Variants in CNGB3 observed in about 807,000 individuals in gnomAD.
The protein encoded by CNGB3 is cyclic nucleotide gated channel subunit beta 3.
In CNGB3, 86 loss-of-function variants were observed where a neutral mutation model predicts 92.8. That is an observed-to-expected ratio of 0.93 (90% CI 0.78 to 1.11). The LOEUF is 1.11. CNGB3 is among the 50% of genes least tolerant of loss of function. The probability of loss-of-function intolerance (pLI) is 0.00; values close to 1 mark genes in which losing one functional copy is unlikely to be tolerated. For missense variants in CNGB3, 1,026 were observed against 956.8 expected, an observed-to-expected ratio of 1.07 and a Z score of -0.95; for synonymous variants, 333 against 332.7, an observed-to-expected ratio of 1.00 and a Z score of -0.01.
chr8:86,658,093 GC>G (rs1823551534), intron 6 of CNGB3: 1 of 526,084 alleles, frequency 1.9e-6, no homozygotes, highest in African/African-American at 2.0e-5. Flanking sequence ...GGCCGGGTGG[GC>G]CTCCCCACAC....
chr8:86,705,726 T>C (rs766339934), intron 3 of CNGB3, among the ~76,000 whole-genome samples: 1 of 152,180 alleles, frequency 6.6e-6, no homozygotes, highest in Non-Finnish European at 1.5e-5. Context: ...GGGGTGGAGC[T>C]GCAGGTGGTT....
At chr8:86,699,687 T>G (rs1824516002) in intron 3 of CNGB3, among the ~76,000 whole-genome samples, 1 of 152,158 alleles carries the variant, frequency 6.6e-6, no homozygotes, top group Non-Finnish European at 1.5e-5. Context: ...AAAACTGCAG[T>G]TAGTTTGGAT....
At chr8:86,681,781 A>G (rs1263471969) in intron 3 of CNGB3, among the ~76,000 whole-genome samples, 2 of 152,224 alleles carry the variant, frequency 1.3e-5, no homozygotes, top group Non-Finnish European at 2.9e-5. Flanking sequence ...CATTGACAAC[A>G]CTGAACACTA....
chr8:86,689,766 G>C (rs916853695), intron 3 of CNGB3, among the ~76,000 whole-genome samples: 1 of 150,212 alleles, frequency 6.7e-6, no homozygotes, highest in Non-Finnish European at 1.5e-5. Flanking sequence ...CTGTGTCCAA[G>C]TGTTCTCATT....
chr8:86,667,243 C>T, intron 5 of CNGB3, 110 bp from the exon 6 acceptor site: 2 of 887,700 alleles, frequency 2.3e-6, no homozygotes, highest in South Asian at 1.4e-5. Context: ...AGTAATTTGC[C>T]ATAGGAGGCT....
In CNGB3 at chr8:86,647,818, C is replaced by T; in HGVS notation, c.973G>A (p.Ala325Thr). ...TATCTTACCTTTAACATCCTATTTG[C>T]TCTAAACATTGGATTAAACCCAAAG... ...LFFGFNPMFR[A>T]NRMLKYTSFF... Residue 325 changes from alanine (A) to threonine (T), a missense_variant, in exon 8 of 18, where the codon GCA becomes ACA. Physicochemically the swap from Ala to Thr is moderately conservative, Grantham distance 58. Coordinates refer to ENST00000320005, the MANE Select transcript of CNGB3 (RefSeq NM_019098.5). 1 of 1,546,582 alleles carries T rather than the reference C, an allele frequency of 6.5e-7. No homozygotes were observed. Among genetic ancestry groups the T allele is most frequent in the Non-Finnish European group, 8.9e-7 (1 of 1,119,558 alleles).
chr8:86,693,541 G>A (rs1230668285), intron 3 of CNGB3, among the ~76,000 whole-genome samples: 1 of 150,118 alleles, frequency 6.7e-6, no homozygotes, highest in Non-Finnish European at 1.5e-5. Flanking sequence ...AAGGTCAGCA[G>A]ATAAACAAGT....
At chr8:86,596,730 T>C (rs1485368150) in intron 15 of CNGB3, among the ~76,000 whole-genome samples, 2 of 152,222 alleles carry the variant, frequency 1.3e-5, no homozygotes, top group Non-Finnish European at 2.9e-5. Context: ...TGCACACGTA[T>C]ATTTATCGCT....
At chr8:86,668,631 G>T (rs1005631206) in intron 4 of CNGB3, among the ~76,000 whole-genome samples, 27 of 149,486 alleles carry the variant, frequency 1.8e-4, no homozygotes, top group African/African-American at 6.7e-4. Context: ...GAAAAAATAC[G>T]TCAATGTAAA....
intron 3 of CNGB3, among the ~76,000 whole-genome samples, chr8:86,720,335 T>G (rs315962): frequency 0.24 from 36,957 of 151,892 alleles, 4,988 homozygotes; most frequent in Middle Eastern, 0.4. Context: ...AAAAGTGGGC[T>G]AAGGACATGA....
chr8:86,629,314 A>G (rs903619812), intron 11 of CNGB3, among the ~76,000 whole-genome samples: 8 of 152,202 alleles, frequency 5.3e-5, no homozygotes, highest in African/African-American at 1.9e-4. Flanking sequence ...TATTGGGCAA[A>G]TTATATTCTC....
At position 86,577,320 on chromosome 8, in the gene CNGB3, G is replaced by A. The variant is rs548749565; in HGVS notation, c.2104-1190C>T. ...CTTCATCTATAACATGAAAAGCTTG[G>A]ATGAAATTTACAAAGTTATTTTGGG... On this transcript the variant is annotated intron_variant, in intron 17 of 17. Transcript: ENST00000320005. Among the ~76,000 whole-genome samples, 10 of 152,254 alleles carry A rather than the reference G, an allele frequency of 6.6e-5. No homozygotes were observed. The South Asian group carries it at 2.1e-3, about 32-fold the overall frequency.
intron 6 of CNGB3, chr8:86,660,036 G>T: frequency 3.0e-6 from 1 of 336,260 alleles, no homozygotes; most frequent in South Asian, 2.8e-5. Flanking sequence ...ATGCTAGTGA[G>T]ACTGGCACCA....
intron 6 of CNGB3, among the ~76,000 whole-genome samples, chr8:86,665,298 A>G (rs1823719904): frequency 6.6e-6 from 1 of 152,206 alleles, no homozygotes; most frequent in South Asian, 2.1e-4. Flanking sequence ...GAGAAAAGGG[A>G]GCACTTATAA....
chr8:86,605,658 T>C (rs937217787), intron 14 of CNGB3, among the ~76,000 whole-genome samples: 4 of 151,954 alleles, frequency 2.6e-5, no homozygotes, highest in Admixed American at 6.5e-5. Flanking sequence ...AAATATTGAT[T>C]GTAGTTTACT....
intron 15 of CNGB3, among the ~76,000 whole-genome samples, chr8:86,594,865 C>T (rs190823189): frequency 6.6e-5 from 10 of 152,248 alleles, no homozygotes; most frequent in East Asian, 1.9e-4. Flanking sequence ...CGTGCCACCA[C>T]GCCCAGCTAA....
chr8:86,632,420 A>G (rs2131585148), intron 11 of CNGB3, among the ~76,000 whole-genome samples: 1 of 152,230 alleles, frequency 6.6e-6, no homozygotes, highest in African/African-American at 2.4e-5. Flanking sequence ...TAACCCAGTG[A>G]TTTTATAACA....
At chr8:86,600,564 G>A (rs924684048) in intron 15 of CNGB3, among the ~76,000 whole-genome samples, 4 of 151,548 alleles carry the variant, frequency 2.6e-5, no homozygotes, top group Admixed American at 6.6e-5. Context: ...TAGTGTTTAC[G>A]TAGCTGCTGG....
At chr8:86,583,667 C>T (rs56254767) in intron 15 of CNGB3, among the ~76,000 whole-genome samples, 1 of 152,054 alleles carries the variant, frequency 6.6e-6, no homozygotes, top group African/African-American at 2.4e-5. Context: ...CGCATGTAAT[C>T]TCAGCACTTT....
Sources: allele counts gnomAD v4.1 joint callset (sites outside exome capture counted in the v4.1 genomes callset), GRCh38; gene constraint gnomAD v4.1.1; transcripts MANE v1.5; gene names NCBI Gene and HGNC (gene_info 2026-07-23, HGNC 2026-07-21).